Variants in SSR2 observed in about 807,000 individuals in gnomAD.
The protein encoded by SSR2 is signal sequence receptor subunit 2, also known as translocon-associated protein subunit beta.
Under a neutral mutation model 22.6 loss-of-function variants are expected in SSR2, and 16 were observed. The ratio of observed to expected loss-of-function variants is 0.71; its 90% CI spans 0.48 to 1.08. The LOEUF (loss-of-function observed/expected upper bound fraction) is 1.08. SSR2 is among the 50% of genes least tolerant of loss of function. The probability of loss-of-function intolerance (pLI) is 0.00; values close to 1 mark genes in which losing one functional copy is unlikely to be tolerated. For missense variants in SSR2, 171 were observed against 221.6 expected, an observed-to-expected ratio of 0.77 and a Z score of 1.45; for synonymous variants, 83 against 91.2, an observed-to-expected ratio of 0.91 and a Z score of 0.51.
At chr1:156,017,725 ATAG>A (rs891719568) in intron 3 of SSR2, among the ~76,000 whole-genome samples, 9 of 112,796 alleles carry the variant, frequency 8.0e-5, no homozygotes, top group Non-Finnish European at 1.6e-4. Context: ...TCCTCCCAGT[ATAG>A]TATGTTTCAG....
At position 156,014,841 on chromosome 1, in the gene SSR2, C is replaced by T. The variant is rs1299559651; in HGVS notation, c.363+120G>A. On this transcript the variant is annotated intron_variant, in intron 4 of 5. Transcript: ENST00000295702. ...CAGGTGTGAGCCACTGCGCCCAGTC[C>T]TAACTGTATTTTGGTATCTATTAAT... The T allele has an allele frequency of 3.6e-6, 3 of 826,394 alleles. No individual in the cohort carries two copies. In the African/African-American group the frequency reaches 5.1e-5, roughly 14 times the overall value. The allele number at this position is 826,394 out of a possible 1,614,324, so 51.2% of individuals were successfully genotyped here. A position where few individuals can be genotyped will look rare whatever the true frequency, so the allele number is the denominator to read the frequency against.
chr1:156,014,086 C>T (rs965870249), intron 4 of SSR2: 5 of 152,204 alleles, frequency 3.3e-5, no homozygotes, highest in Admixed American at 1.3e-4. Context: ...TTTGTTTTTA[C>T]AATCTATACT....
chr1:156,011,700 C>T (rs559021731), intron 5 of SSR2, 110 bp downstream of exon 5: 12 of 831,784 alleles, frequency 1.4e-5, no homozygotes, highest in Non-Finnish European at 2.3e-5. Flanking sequence ...AAAAAACACA[C>T]AGGGCAAGAA....
chr1:156,013,964 T>G (rs1307627514), intron 4 of SSR2: 1 of 152,230 alleles, frequency 6.6e-6, no homozygotes, highest in African/African-American at 2.4e-5. Flanking sequence ...TCAATCACTC[T>G]AGTCCAGAAC....
rs1423527282 is a variant in SSR2, at chr1:156,016,264, C to T, written c.255-1195G>A. On this transcript the variant is annotated intron_variant, in intron 3 of 5. Transcript: ENST00000295702. ...TTTTTTTGTTTTTTTTTGACAGTCT[C>T]GCTCCGTCGCCCAGGCTGAAGTGCA... Among the ~76,000 whole-genome samples the T allele has an allele frequency of 4.6e-5, 7 of 150,640 alleles. No homozygotes were observed. The South Asian group carries it at 8.3e-4, about 18-fold the overall frequency.
intron 5 of SSR2, 48 bp from the exon 6 acceptor site, chr1:156,009,698 A>T (rs1682953108): frequency 7.8e-7 from 1 of 1,285,324 alleles, no homozygotes; most frequent in Non-Finnish European, 1.1e-6. Flanking sequence ...ATTAGGGCAC[A>T]GGAGAAGCCA....
At position 156,009,475 on chromosome 1, in the gene SSR2, A is replaced by C; in HGVS notation, c.*65T>G. 7.9e-7 allele frequency: 1 copy of C among 1,269,032 alleles called. No homozygotes were observed. Among genetic ancestry groups the C allele is most frequent in the East Asian group, 2.3e-5 (1 of 43,232 alleles). The allele number at this position is 1,269,032 out of a possible 1,614,324, so 78.6% of individuals were successfully genotyped here. Reference sequence around the variant, plus strand: ...TTAAGATACCCTTTGGAGTCTGGAAAGCACCTGGATTTCTTGGGAGAGGAG... The same window carrying C: ...TTAAGATACCCTTTGGAGTCTGGAACGCACCTGGATTTCTTGGGAGAGGAG... On this transcript the variant is annotated 3_prime_UTR_variant, in exon 6 of 6. Transcript: ENST00000295702.
intron 1 of SSR2, 62 bp downstream of exon 1, chr1:156,020,826 G>C (rs1229154933): frequency 4.4e-6 from 2 of 458,570 alleles, no homozygotes; most frequent in African/African-American, 4.0e-5. Context: ...CAGCCACGGG[G>C]TGATGCGCGG....
intron 1 of SSR2, 101 bp from the exon 2 acceptor site, chr1:156,020,268 G>C (rs1426031016): frequency 1.8e-5 from 23 of 1,278,010 alleles, no homozygotes; most frequent in Non-Finnish European, 2.4e-5. Flanking sequence ...GATGCTACCA[G>C]AACAGCAGCC....
At chr1:156,015,535 AATATATAT>A (rs1553254277) in intron 3 of SSR2, among the ~76,000 whole-genome samples, 52 of 46,780 alleles carry the variant, frequency 1.1e-3, no homozygotes, top group African/African-American at 3.3e-3. Flanking sequence ...AAAAAAAAAA[AATATATAT>A]ATATATATAT....
chr1:156,012,431 T>A, intron 4 of SSR2: 2 of 426,700 alleles, frequency 4.7e-6, no homozygotes, highest in South Asian at 3.3e-5. Flanking sequence ...TCCACATTCC[T>A]TTGTCTTGGA....
chr1:156,009,136 T>C lies in SSR2; in HGVS notation c.*404A>G, dbSNP rs928006232. 10 of 177,266 alleles carry C rather than the reference T, an allele frequency of 5.6e-5. No homozygotes were observed. The highest frequency in any genetic ancestry group is 2.4e-4 in the African/African-American group (10 of 41,634). The allele number at this position is 177,266 out of a possible 1,614,324, so 11.0% of individuals were successfully genotyped here. Reference sequence around the variant, plus strand: ...CACTGGGTATCCTCCAAGAGTCCCATAGCTTTCATTTCATCTTCCACCCTC... The same window carrying C: ...CACTGGGTATCCTCCAAGAGTCCCACAGCTTTCATTTCATCTTCCACCCTC... On this transcript the variant is annotated 3_prime_UTR_variant, in exon 6 of 6. Transcript: ENST00000295702.
At position 156,016,417 on chromosome 1, in the gene SSR2, G is replaced by T. The variant is rs1370112510; in HGVS notation, c.255-1348C>A. Among the ~76,000 whole-genome samples, 3 of 151,678 alleles carry T rather than the reference G, an allele frequency of 2.0e-5. No individual in the cohort carries two copies. The East Asian group carries it at 5.9e-4, about 30-fold the overall frequency. On this transcript the variant is annotated intron_variant, in intron 3 of 5. Coordinates refer to ENST00000295702, the MANE Select transcript of SSR2 (RefSeq NM_003145.4). ...CCTGGCTAATTTTTTTGTATTTTTA[G>T]TAGAGACAGGGTTTCACTGTGTGTT...
At chr1:156,017,531 G>A (rs534976765) in intron 3 of SSR2, among the ~76,000 whole-genome samples, 4 of 151,614 alleles carry the variant, frequency 2.6e-5, no homozygotes, top group African/African-American at 9.7e-5. Context: ...TGTATTTTTA[G>A]TAGAGACGGG....
intron 5 of SSR2, chr1:156,010,999 G>C (rs1160704443): frequency 6.7e-6 from 1 of 150,228 alleles, no homozygotes; most frequent in Non-Finnish European, 1.5e-5. Flanking sequence ...ACAGCGTTTC[G>C]CTCTTGTTGT....
intron 2 of SSR2, chr1:156,019,357 G>T: frequency 3.2e-6 from 1 of 313,506 alleles, no homozygotes; most frequent in Non-Finnish European, 6.6e-6. Context: ...CAACAAAAAT[G>T]CTCTAGGCTA....
In SSR2 at chr1:156,014,971, C is replaced by G; in HGVS notation, c.353G>C (p.Gly118Ala). 1 of 1,613,690 alleles carries G rather than the reference C, an allele frequency of 6.2e-7. No individual in the cohort carries two copies. The highest frequency in any genetic ancestry group is 2.2e-5 in the East Asian group (1 of 44,856). The change falls in exon 4 of 6, where the codon GGG (glycine) becomes GCG (alanine). Residue 118 changes from glycine (G) to alanine (A), a missense_variant. By Grantham distance (60) the Gly-to-Ala change is moderately conservative. Coordinates refer to ENST00000295702, the MANE Select transcript of SSR2 (RefSeq NM_003145.4). ...GTTTGGGCAACTCACCACAACGGGC[C>G]CATCCTCCTGGGCCAGGTAAGTAAT... Reference protein sequence around the residue: ...ATITYLAQEDGPVVIGSTSAP... With the variant: ...ATITYLAQEDAPVVIGSTSAP...
At chr1:156,012,187 C>CT (rs1231926598) in intron 4 of SSR2, 4 of 310,338 alleles carry the variant, frequency 1.3e-5, no homozygotes, top group African/African-American at 8.5e-5. Context: ...AAGCCAAATT[C>CT]TTCTGTCTGA....
At chr1:156,017,271 T>C (rs1307331898) in intron 3 of SSR2, among the ~76,000 whole-genome samples, 8 of 152,214 alleles carry the variant, frequency 5.3e-5, no homozygotes, top group Admixed American at 1.3e-4. Flanking sequence ...CAGGAGATAA[T>C]TGGTAGATTA....
Sources: allele counts gnomAD v4.1 joint callset (sites outside exome capture counted in the v4.1 genomes callset), GRCh38; gene constraint gnomAD v4.1.1; transcripts MANE v1.5; gene names NCBI Gene and HGNC (gene_info 2026-07-23, HGNC 2026-07-21).